Variants in CSRNP3 observed in about 807,000 individuals in gnomAD.
CSRNP3 encodes the protein cysteine and serine rich nuclear protein 3, also known as cysteine/serine-rich nuclear protein 3.
Under a neutral mutation model 48.0 loss-of-function variants are expected in CSRNP3, and 12 were observed. That is an observed-to-expected ratio of 0.25 (90% confidence interval 0.16 to 0.41). The LOEUF (loss-of-function observed/expected upper bound fraction) is 0.41, where lower values mean the gene tolerates loss of function less well. Among genes scored for constraint, CSRNP3 ranks in the 10% least tolerant of loss-of-function variants. The pLI is 1.00. For synonymous variants in CSRNP3, 263 were observed against 269.7 expected, an observed-to-expected ratio of 0.98 and a Z score of 0.24; for missense variants, 580 against 724.4, an observed-to-expected ratio of 0.80 and a Z score of 2.29.
At chr2:165,619,292 A>G (rs1686300779) in intron 4 of CSRNP3, among the ~76,000 whole-genome samples, 1 of 152,148 alleles carries the variant, frequency 6.6e-6, no homozygotes, top group South Asian at 2.1e-4. Context: ...GACTTGTAAC[A>G]TTTAAAAATT....
intron 3 of CSRNP3, among the ~76,000 whole-genome samples, chr2:165,545,170 T>C (rs1685008372): frequency 6.6e-6 from 1 of 152,100 alleles, no homozygotes; most frequent in Non-Finnish European, 1.5e-5. Context: ...AGTGAGCTGG[T>C]GGTAGTAAAG....
chr2:165,571,041 C>A (rs1010934068), intron 3 of CSRNP3, among the ~76,000 whole-genome samples: 2 of 151,796 alleles, frequency 1.3e-5, no homozygotes, highest in African/African-American at 4.8e-5. Context: ...TCAATTGACA[C>A]ACAAAAAATT....
intron 3 of CSRNP3, among the ~76,000 whole-genome samples, chr2:165,518,937 TAACTC>T (rs1366341113): frequency 6.6e-6 from 1 of 152,050 alleles, no homozygotes; most frequent in African/African-American, 2.4e-5. Context: ...ATTTTACTAT[TAACTC>T]AGGCAACATA....
At chr2:165,510,806 T>A (rs528871750) in intron 2 of CSRNP3, among the ~76,000 whole-genome samples, 1 of 152,244 alleles carries the variant, frequency 6.6e-6, no homozygotes, top group South Asian at 2.1e-4. Context: ...TAGATATGAG[T>A]CTAAAGCTCA....
intron 4 of CSRNP3, among the ~76,000 whole-genome samples, chr2:165,597,171 C>A (rs1372909252): frequency 1.3e-5 from 2 of 152,094 alleles, no homozygotes; most frequent in African/African-American, 4.8e-5. Flanking sequence ...AGTGAAGAGG[C>A]AGATTATGTT....
At chr2:165,552,840 G>C (rs1379761115) in intron 3 of CSRNP3, among the ~76,000 whole-genome samples, 1 of 151,928 alleles carries the variant, frequency 6.6e-6, no homozygotes, top group Admixed American at 6.6e-5. Flanking sequence ...GACTACAGGT[G>C]TGTGCCACCA....
chr2:165,594,046 A>G (rs1453805021), intron 3 of CSRNP3, among the ~76,000 whole-genome samples: 2 of 152,134 alleles, frequency 1.3e-5, no homozygotes, highest in Non-Finnish European at 2.9e-5. Context: ...ACATAAATGA[A>G]TTTTGTCTTT....
chr2:165,651,064 C>T (rs1206324794), intron 4 of CSRNP3, among the ~76,000 whole-genome samples: 1 of 152,206 alleles, frequency 6.6e-6, no homozygotes, highest in African/African-American at 2.4e-5. Context: ...ATGACCAGCT[C>T]ATTGCTCAAG....
intron 3 of CSRNP3, among the ~76,000 whole-genome samples, chr2:165,564,046 C>T (rs901706892): frequency 6.6e-6 from 1 of 152,096 alleles, no homozygotes; most frequent in Admixed American, 6.6e-5. Flanking sequence ...GGTCTATCGC[C>T]ACCTAGGGAA....
intron 4 of CSRNP3, among the ~76,000 whole-genome samples, chr2:165,650,909 C>T (rs1320540768): frequency 6.6e-6 from 1 of 152,122 alleles, no homozygotes; most frequent in African/African-American, 2.4e-5. Context: ...TTCCACAATT[C>T]TTCTCTCATT....
chr2:165,597,237 A>T (rs563043210), intron 4 of CSRNP3, among the ~76,000 whole-genome samples: 2 of 152,358 alleles, frequency 1.3e-5, no homozygotes, highest in East Asian at 3.9e-4. Context: ...TAAATATAAG[A>T]GTAAAACCAA....
intron 4 of CSRNP3, among the ~76,000 whole-genome samples, chr2:165,617,278 G>A (rs1020920854): frequency 1.3e-5 from 2 of 150,648 alleles, no homozygotes; most frequent in Admixed American, 6.6e-5. Context: ...CATAATAATT[G>A]CTTCTTCCAG....
intron 3 of CSRNP3, among the ~76,000 whole-genome samples, chr2:165,563,850 G>A (rs1324469169): frequency 6.6e-6 from 1 of 152,036 alleles, no homozygotes; most frequent in Non-Finnish European, 1.5e-5. Context: ...TGTAGCTTCT[G>A]AAGATCTTCC....
intron 1 of CSRNP3, among the ~76,000 whole-genome samples, chr2:165,494,436 A>T (rs1684259377): frequency 6.6e-6 from 1 of 152,132 alleles, no homozygotes; most frequent in South Asian, 2.1e-4. Context: ...CACACGATTT[A>T]CTAGAACAAA....
chr2:165,498,478 T>C (rs974065819), intron 2 of CSRNP3, among the ~76,000 whole-genome samples: 2 of 152,132 alleles, frequency 1.3e-5, no homozygotes, highest in African/African-American at 4.8e-5. Context: ...TGCATTTCAA[T>C]TTGACTCACT....
At chr2:165,533,944 CAGA>C (rs1399602102) in intron 3 of CSRNP3, among the ~76,000 whole-genome samples, 1 of 151,832 alleles carries the variant, frequency 6.6e-6, no homozygotes, top group Non-Finnish European at 1.5e-5. Flanking sequence ...ATATCTGTTA[CAGA>C]AGATTTGCAT....
chr2:165,600,974 A>G (rs1685904992), intron 4 of CSRNP3, among the ~76,000 whole-genome samples: 1 of 152,250 alleles, frequency 6.6e-6, no homozygotes, highest in Non-Finnish European at 1.5e-5. Context: ...CTGTTAAAAT[A>G]TCCAATTTGT....
chr2:165,642,720 G>A (rs1686744420), intron 4 of CSRNP3, among the ~76,000 whole-genome samples: 2 of 152,222 alleles, frequency 1.3e-5, no homozygotes, highest in African/African-American at 4.8e-5. Context: ...GCGCCACCAT[G>A]CCCGGCTAAT....
chr2:165,506,468 A>G (rs1364069346), intron 2 of CSRNP3, among the ~76,000 whole-genome samples: 23 of 151,998 alleles, frequency 1.5e-4, no homozygotes, highest in African/African-American at 7.2e-5. Context: ...ACATCTTCTC[A>G]TGATTCAGGC....
Sources: allele counts gnomAD v4.1 joint callset (sites outside exome capture counted in the v4.1 genomes callset), GRCh38; gene constraint gnomAD v4.1.1; transcripts MANE v1.5; gene names NCBI Gene and HGNC (gene_info 2026-07-23, HGNC 2026-07-21).